MAP2K5: variants seen among roughly 807,000 people sequenced by gnomAD.
MAP2K5 encodes the protein mitogen-activated protein kinase kinase 5, also known as dual specificity mitogen-activated protein kinase kinase 5.
A neutral mutation model predicts 83.1 loss-of-function variants in MAP2K5; 49 were observed. The observed-to-expected ratio is 0.59, with a 90% CI of 0.47 to 0.75. MAP2K5 has a LOEUF of 0.75. Ranked by LOEUF, MAP2K5 falls within the 30% of genes least tolerant of loss-of-function variation. The pLI is 0.00. For synonymous variants in MAP2K5, 202 were observed against 191.8 expected, an observed-to-expected ratio of 1.05 and a Z score of -0.44; for missense variants, 457 against 557.5, an observed-to-expected ratio of 0.82 and a Z score of 1.82.
At chr15:67,586,015 A>G (rs2085281459) in intron 5 of MAP2K5, 85 bp downstream of exon 5, 1 of 1,232,356 alleles carries the variant, frequency 8.1e-7, no homozygotes, top group African/African-American at 1.5e-5. Context: ...ATAAAACTGC[A>G]CTTTCTCAAG....
Position 67,638,061 on chromosome 15 carries a change from A to T in MAP2K5, c.585+7134A>T, listed in dbSNP as rs1372847403. On this transcript the variant is annotated intron_variant, in intron 9 of 21. Coordinates refer to ENST00000178640, the MANE Select transcript of MAP2K5 (RefSeq NM_145160.3). The surrounding 1 kb of genome is among the most constrained non-coding windows in gnomAD (Gnocchi z 4.5). ...AAAATTAAAAAAGTTAATTTTTTTA[A>T]CTTTTAATTTAACTTTTTTAATTTA... 6.6e-6 allele frequency among the ~76,000 whole-genome samples: 1 copy of T among 151,154 alleles called. No homozygotes were observed. Among genetic ancestry groups the T allele is most frequent in the Non-Finnish European group, 1.5e-5 (1 of 67,788 alleles).
At chr15:67,655,522 T>C (rs2087049849) in intron 11 of MAP2K5, among the ~76,000 whole-genome samples, 1 of 5,444 alleles carries the variant, frequency 1.8e-4, no homozygotes, top group Non-Finnish European at 4.5e-3. Flanking sequence ...TCTTTTTCTT[T>C]CATGTTCAAA....
At chr15:67,582,171 C>T (rs546516726) in intron 4 of MAP2K5, among the ~76,000 whole-genome samples, 4 of 150,288 alleles carry the variant, frequency 2.7e-5, no homozygotes, top group East Asian at 2.0e-4. Context: ...AAGTGATTCT[C>T]CTGCCTCAGC....
chr15:67,720,385 AAG>A lies in MAP2K5; in HGVS notation c.1045-7529_1045-7528del, dbSNP rs746768287. ...ACACTTACACACACACAAGGAAAAA[AAG>A]AAAATGATGTAAGTGAAATAGCGTA... On this transcript the variant is annotated intron_variant, in intron 16 of 21. Coordinates refer to ENST00000178640, the MANE Select transcript of MAP2K5 (RefSeq NM_145160.3). This position sits in a 1 kb window ranked among gnomAD's most constrained non-coding sequence, Gnocchi z 5.7. Among the ~76,000 whole-genome samples the A allele has an allele frequency of 3.3e-4, 50 of 152,166 alleles. No homozygotes were observed. The highest frequency in any genetic ancestry group is 5.6e-4 in the Non-Finnish European group (38 of 68,018).
intron 19 of MAP2K5, among the ~76,000 whole-genome samples, chr15:67,754,082 A>G (rs187545113): frequency 2.6e-5 from 4 of 152,340 alleles, no homozygotes; most frequent in Admixed American, 2.0e-4. Flanking sequence ...AATGTCCACA[A>G]TAGGGAAGTC....
chr15:67,589,334 A>G (rs1185031535), intron 6 of MAP2K5, among the ~76,000 whole-genome samples: 1 of 151,978 alleles, frequency 6.6e-6, no homozygotes, highest in Non-Finnish European at 1.5e-5. Context: ...TTCCTCTATT[A>G]CTCTCAAAGC....
chr15:67,606,395 A>T (rs1183867674), intron 8 of MAP2K5, among the ~76,000 whole-genome samples: 1 of 152,230 alleles, frequency 6.6e-6, no homozygotes, highest in East Asian at 1.9e-4. Context: ...GACTTGAGGT[A>T]GAATTTTCTC....
rs1230740971 is a variant in MAP2K5, at chr15:67,572,399, G to A, written c.253-8355G>A. Among the ~76,000 whole-genome samples the A allele has an allele frequency of 6.6e-6, 1 of 152,138 alleles. No homozygotes were observed. Among genetic ancestry groups the A allele is most frequent in the Non-Finnish European group, 1.5e-5 (1 of 68,026 alleles). ...CTGTTTTCATACTGTTATCGGAAAG[G>A]GGTCCCAATCCAGACCCTAAGAGAG... On this transcript the variant is annotated intron_variant, in intron 3 of 21. Transcript: ENST00000178640. The surrounding 1 kb of genome is among the most constrained non-coding windows in gnomAD (Gnocchi z 4.2).
chr15:67,629,199 G>C, intron 8 of MAP2K5: 1 of 657,144 alleles, frequency 1.5e-6, no homozygotes, highest in Non-Finnish European at 2.8e-6. Context: ...GAAGCTACAG[G>C]TTACAACAGA....
At chr15:67,739,205 A>G (rs1436141922) in intron 17 of MAP2K5, among the ~76,000 whole-genome samples, 4 of 149,522 alleles carry the variant, frequency 2.7e-5, no homozygotes, top group South Asian at 4.3e-4. Flanking sequence ...ACTTGTGCCC[A>G]GGAGGTCCAG....
intron 15 of MAP2K5, 63 bp downstream of exon 15, chr15:67,693,631 A>T: frequency 8.2e-7 from 1 of 1,225,648 alleles, no homozygotes; most frequent in East Asian, 2.3e-5. Context: ...GTACTTGGTA[A>T]TGTATAATTC....
chr15:67,788,349 T>C (rs2090454459), intron 21 of MAP2K5, among the ~76,000 whole-genome samples: 1 of 152,204 alleles, frequency 6.6e-6, no homozygotes, highest in Non-Finnish European at 1.5e-5. Flanking sequence ...CTTGTATCAC[T>C]GCTGGGTTAT....
Position 67,748,221 on chromosome 15 carries a change from CT to C in MAP2K5, c.1075-4del. ...TTATGACATGCTAATTACATATTGC[CT>C]TTTTTCAGATTCAGAAAAACCAGGG... On this transcript the variant is annotated splice_polypyrimidine_tract_variant and intron_variant, in intron 17 of 21. Coordinates refer to ENST00000178640, the MANE Select transcript of MAP2K5 (RefSeq NM_145160.3). This position sits in a 1 kb window ranked among gnomAD's most constrained non-coding sequence, Gnocchi z 4.0. 1.2e-6 allele frequency: 2 copies of C among 1,600,174 alleles called. No homozygotes were observed. Among genetic ancestry groups the C allele is most frequent in the East Asian group, 2.2e-5 (1 of 44,748 alleles).
At position 67,620,461 on chromosome 15, in the gene MAP2K5, C is replaced by T. The variant is rs140455574; in HGVS notation, c.546-10427C>T. ...TGAAGAGAAATAGTAATTTATAACACGAACATATAAGGCAATAGAGTAGTT... is the reference window on the plus strand; with the variant it reads ...TGAAGAGAAATAGTAATTTATAACATGAACATATAAGGCAATAGAGTAGTT... On this transcript the variant is annotated intron_variant, in intron 8 of 21. Coordinates refer to ENST00000178640, the MANE Select transcript of MAP2K5 (RefSeq NM_145160.3). 3.3e-4 allele frequency among the ~76,000 whole-genome samples: 50 copies of T among 151,506 alleles called. No homozygotes were observed. In the East Asian group the frequency reaches 9.1e-3, roughly 28 times the overall value.
intron 7 of MAP2K5, among the ~76,000 whole-genome samples, chr15:67,598,675 T>C (rs887966067): frequency 2.6e-5 from 4 of 152,204 alleles, no homozygotes; most frequent in East Asian, 1.9e-4. Context: ...GTCAGAATTA[T>C]ACCATTTGAA....
At chr15:67,647,057 T>C (rs2086847142) in intron 11 of MAP2K5, among the ~76,000 whole-genome samples, 1 of 152,224 alleles carries the variant, frequency 6.6e-6, no homozygotes, top group African/African-American at 2.4e-5. Context: ...AGTGAAATGA[T>C]GTCATCATTA....
rs1037823309 is a variant in MAP2K5 at position 67,638,537 on chromosome 15, A to C, written c.585+7610A>C. 6.6e-6 allele frequency among the ~76,000 whole-genome samples: 1 copy of C among 152,152 alleles called. No individual in the cohort carries two copies. Among genetic ancestry groups the C allele is most frequent in the East Asian group, 1.9e-4 (1 of 5,194 alleles). Reference sequence around the variant, plus strand: ...GAATAGTGCTGCAATGACCATTTGCATGCGTGTGTCTTTATAATAGAATGC... The same window carrying C: ...GAATAGTGCTGCAATGACCATTTGCCTGCGTGTGTCTTTATAATAGAATGC... On this transcript the variant is annotated intron_variant, in intron 9 of 21. Coordinates refer to ENST00000178640, the MANE Select transcript of MAP2K5 (RefSeq NM_145160.3). The surrounding 1 kb of genome is among the most constrained non-coding windows in gnomAD (Gnocchi z 4.5).
chr15:67,773,946 G>T (rs2090188917), intron 21 of MAP2K5, among the ~76,000 whole-genome samples: 1 of 152,170 alleles, frequency 6.6e-6, no homozygotes, highest in South Asian at 2.1e-4. Context: ...TTAAAACAAA[G>T]GAATAGGGTT....
chr15:67,797,687 G>C (rs1370649578), intron 21 of MAP2K5, among the ~76,000 whole-genome samples: 1 of 151,760 alleles, frequency 6.6e-6, no homozygotes, highest in Non-Finnish European at 1.5e-5. Flanking sequence ...ATCTTTCATT[G>C]GTTCTTTTTT....
Sources: gnomAD v4.1 joint callset for allele counts (sites outside exome capture counted in the v4.1 genomes callset) on GRCh38, gnomAD v4.1.1 for gene constraint, Gnocchi (gnomAD v3.1) non-coding constraint, MANE v1.5 for transcripts, NCBI Gene and HGNC (gene_info 2026-07-23, HGNC 2026-07-21) for gene names.